Variants in TNFSF11 observed in about 807,000 individuals in gnomAD.
The protein encoded by TNFSF11 is tumor necrosis factor ligand superfamily member 11.
In TNFSF11, 12 loss-of-function variants were observed where a neutral mutation model predicts 32.2. The ratio of observed to expected loss-of-function variants is 0.37; its 90% CI spans 0.24 to 0.60. TNFSF11 has a LOEUF of 0.60. Among genes scored for constraint, TNFSF11 ranks in the 20% least tolerant of loss-of-function variants. TNFSF11 has a pLI of 0.66. For synonymous variants in TNFSF11, 172 were observed against 152.1 expected, an observed-to-expected ratio of 1.13 and a Z score of -0.96; for missense variants, 345 against 398.0, an observed-to-expected ratio of 0.87 and a Z score of 1.13.
At chr13:42,577,375 T>C (rs979840281) in intron 1 of TNFSF11, among the ~76,000 whole-genome samples, 26 of 152,180 alleles carry the variant, frequency 1.7e-4, no homozygotes, top group African/African-American at 6.3e-4. Context: ...TGCCTAGATG[T>C]AAAAAATACA....
At chr13:42,596,719 C>T (rs776327397) in intron 2 of TNFSF11, among the ~76,000 whole-genome samples, 1 of 152,144 alleles carries the variant, frequency 6.6e-6, no homozygotes, top group Admixed American at 6.5e-5. Flanking sequence ...ATTTTCAATA[C>T]GTGGAATATA....
chr13:42,564,086 T>A (rs1030870426), intron 1 of TNFSF11, among the ~76,000 whole-genome samples: 1 of 152,194 alleles, frequency 6.6e-6, no homozygotes, highest in African/African-American at 2.4e-5. Flanking sequence ...CTATTTTTTT[T>A]ATTATCCAGT....
chr13:42,587,997 GTATGTGTCCGAAGAAAGTTTC>G (rs1873979257), intron 2 of TNFSF11, among the ~76,000 whole-genome samples: 1 of 152,186 alleles, frequency 6.6e-6, no homozygotes, highest in Non-Finnish European at 1.5e-5. Flanking sequence ...GTATACAAGA[GTATGTGTCCGAAGAAAGTTTC>G]TCATAAACCC....
At chr13:42,596,303 C>T (rs80120551) in intron 2 of TNFSF11, among the ~76,000 whole-genome samples, 2,578 of 152,212 alleles carry the variant, frequency 0.017, 88 homozygotes, top group African/African-American at 0.059. Context: ...TCTGAAGCCC[C>T]TGGGAATTCT....
chr13:42,583,358 G>A lies in TNFSF11; in HGVS notation c.387+2065G>A, dbSNP rs77985288. On this transcript the variant is annotated intron_variant, in intron 2 of 4. Coordinates refer to ENST00000398795, the MANE Select transcript of TNFSF11 (RefSeq NM_003701.4). Reference sequence around the variant, plus strand: ...GCCTGGGAGGTGGACGCTGCAGTGAGCTGCGGTTGCACCAGTGCACTCCAG... The same window carrying A: ...GCCTGGGAGGTGGACGCTGCAGTGAACTGCGGTTGCACCAGTGCACTCCAG... Among the ~76,000 whole-genome samples the A allele has an allele frequency of 8.5e-3, 1,208 of 142,284 alleles. 20 individuals carry two copies. The highest frequency in any genetic ancestry group is 0.03 in the African/African-American group (1,159 of 38,348). The allele number at this position is 142,284 out of a possible 152,430, so 93.3% of individuals were successfully genotyped here. A position where few individuals can be genotyped will look rare whatever the true frequency, so the allele number is the denominator to read the frequency against.
rs142230688 is a variant in TNFSF11, at chr13:42,582,222, A to G, written c.387+929A>G. Reference sequence around the variant, plus strand: ...TTTTTAAAAATCCACATATAGTAATATAATTATTTAAAAAGAGGACATGTG... The same window carrying G: ...TTTTTAAAAATCCACATATAGTAATGTAATTATTTAAAAAGAGGACATGTG... On this transcript the variant is annotated intron_variant, in intron 2 of 4. Transcript: ENST00000398795. Among the ~76,000 whole-genome samples, 266 of 152,352 alleles carry G rather than the reference A, an allele frequency of 1.7e-3. 1 individual carries two copies. Among genetic ancestry groups the G allele is most frequent in the African/African-American group, 6.0e-3 (248 of 41,572 alleles).
chr13:42,587,868 T>C lies in TNFSF11; in HGVS notation c.387+6575T>C, dbSNP rs561298627. On this transcript the variant is annotated intron_variant, in intron 2 of 4. Coordinates refer to ENST00000398795, the MANE Select transcript of TNFSF11 (RefSeq NM_003701.4). Reference sequence around the variant, plus strand: ...AAGAAATCAATGAAATTTAAATAGATTGTAACTGCTTGTGAAACTGTAATC... The same window carrying C: ...AAGAAATCAATGAAATTTAAATAGACTGTAACTGCTTGTGAAACTGTAATC... 2.0e-5 allele frequency among the ~76,000 whole-genome samples: 3 copies of C among 152,336 alleles called. No individual in the cohort carries two copies. In the South Asian group the frequency reaches 6.2e-4, roughly 32 times the overall value.
intron 2 of TNFSF11, 65 bp from the exon 3 acceptor site, chr13:42,600,687 G>A (rs1869122122): frequency 6.6e-7 from 1 of 1,509,560 alleles, no homozygotes; most frequent in Middle Eastern, 2.0e-4. Context: ...TAACAGCCCT[G>A]AATTCTTATT....
At chr13:42,566,300 A>C (rs1872866775) in intron 1 of TNFSF11, among the ~76,000 whole-genome samples, 1 of 152,116 alleles carries the variant, frequency 6.6e-6, no homozygotes, top group African/African-American at 2.4e-5. Flanking sequence ...CCCTCACTTC[A>C]TGGATGTCTA....
At chr13:42,601,852 G>T (rs925405054) in intron 4 of TNFSF11, among the ~76,000 whole-genome samples, 4 of 152,164 alleles carry the variant, frequency 2.6e-5, no homozygotes, top group African/African-American at 7.2e-5. Flanking sequence ...ATCCTGCAAG[G>T]TAGGGATTAT....
rs370229620 is a variant in TNFSF11 at position 42,606,635 on chromosome 13, A to G, written c.671A>G (p.His224Arg). 9.3e-6 allele frequency: 15 copies of G among 1,614,110 alleles called. No homozygotes were observed. The Admixed American group carries it at 2.3e-4, about 25-fold the overall frequency. The part of the protein sequence containing the change: ...YYLYANICFR[H>R]HETSGDLATE... ...CTGTATGCCAACATTTGCTTTCGAC[A>G]TCATGAAACTTCAGGAGACCTAGCT... Residue 224 changes from histidine (H) to arginine (R), a missense_variant, in exon 5 of 5, where the codon CAT becomes CGT. Around this residue, in one of 2 missense-constraint regions of TNFSF11, gnomAD observed 148 missense variants for 216.0 expected, o/e 0.69. Transcript: ENST00000398795.
chr13:42,599,321 CT>C lies in TNFSF11; in HGVS notation c.388-1430del, dbSNP rs1393457743. ...TTATTGCCTCTATCTATCTATCTAT[CT>C]ATCTATCTATCTATCTATCTATCTA... On this transcript the variant is annotated intron_variant, in intron 2 of 4. Coordinates refer to ENST00000398795, the MANE Select transcript of TNFSF11 (RefSeq NM_003701.4). Among the ~76,000 whole-genome samples, 4 of 140,472 alleles carry C rather than the reference CT, an allele frequency of 2.8e-5. No homozygotes were observed. In the East Asian group the frequency reaches 6.4e-4, roughly 22 times the overall value. 92.2% of individuals were successfully genotyped at this position (140,472 alleles called of 152,430 possible).
At chr13:42,605,341 A>T (rs1869398364) in intron 4 of TNFSF11, among the ~76,000 whole-genome samples, 1 of 152,164 alleles carries the variant, frequency 6.6e-6, no homozygotes, top group Non-Finnish European at 1.5e-5. Flanking sequence ...TGACCACCTT[A>T]GTTTAGTATA....
intron 1 of TNFSF11, among the ~76,000 whole-genome samples, chr13:42,577,000 T>C (rs1873351032): frequency 6.6e-6 from 1 of 152,260 alleles, no homozygotes; most frequent in Non-Finnish European, 1.5e-5. Flanking sequence ...ATTTAACATT[T>C]TCACTTATAT....
chr13:42,569,989 A>G (rs1256885012), upstream of TNFSF11, among the ~76,000 whole-genome samples: 2 of 152,112 alleles, frequency 1.3e-5, no homozygotes, highest in Non-Finnish European at 2.9e-5. Flanking sequence ...ATAAAATTAT[A>G]TTAACATTAT....
At chr13:42,590,651 C>G (rs1874125285) in intron 2 of TNFSF11, among the ~76,000 whole-genome samples, 1 of 152,206 alleles carries the variant, frequency 6.6e-6, no homozygotes, top group Non-Finnish European at 1.5e-5. Context: ...GCCCAAGATG[C>G]CACACTGCAG....
rs1566391459 is a variant in TNFSF11 at position 42,606,647 on chromosome 13, C to T, written c.683C>T (p.Ser228Leu). The T allele has an allele frequency of 1.9e-6, 3 of 1,614,228 alleles. No homozygotes were observed. Among genetic ancestry groups the T allele is most frequent in the Non-Finnish European group, 2.5e-6 (3 of 1,180,040 alleles). ...ANICFRHHETSGDLATEYLQL... is the reference protein window; with the variant it reads ...ANICFRHHETLGDLATEYLQL... ...ATTTGCTTTCGACATCATGAAACTT[C>T]AGGAGACCTAGCTACAGAGTATCTT... is the stretch of plus-strand genomic sequence containing the variant. The change falls in exon 5 of 5, where the codon TCA (serine) becomes TTA (leucine). Residue 228 changes from serine to leucine, a missense_variant. Around this residue, in one of 2 missense-constraint regions of TNFSF11, gnomAD observed 148 missense variants for 216.0 expected, o/e 0.69. Coordinates refer to ENST00000398795, the MANE Select transcript of TNFSF11 (RefSeq NM_003701.4).
Position 42,574,269 on chromosome 13 carries a change from G to T in TNFSF11, c.-35G>T. 6.5e-7 allele frequency: 1 copy of T among 1,544,508 alleles called. No homozygotes were observed. The highest frequency in any genetic ancestry group is 1.2e-5 in the South Asian group (1 of 83,824). ...GACAAGAAGGGGAGGGAGCGGGAGA[G>T]GGAGGAGAGCTCCGAAGCGAGAGGG... On this transcript the variant is annotated 5_prime_UTR_variant, in exon 1 of 5. The change creates a new upstream start codon in the 5' untranslated region. Transcript: ENST00000398795.
intron 2 of TNFSF11, among the ~76,000 whole-genome samples, chr13:42,596,850 C>T (rs1290716252): frequency 6.6e-6 from 1 of 152,220 alleles, no homozygotes; most frequent in Non-Finnish European, 1.5e-5. Flanking sequence ...TTCTTATCAT[C>T]TGGGAGCATC....
Sources: allele counts gnomAD v4.1 joint callset (sites outside exome capture counted in the v4.1 genomes callset), GRCh38; gene constraint gnomAD v4.1.1; regional missense constraint gnomAD v4.1.1; transcripts MANE v1.5; gene names NCBI Gene and HGNC (gene_info 2026-07-23, HGNC 2026-07-21).